The following CAPN13 variants were observed in gnomAD, a reference collection of about 807,000 sequenced individuals.
CAPN13 encodes calpain 13.
CAPN13 carries 90 observed loss-of-function variants against 98.4 expected under a neutral mutation model. That is an observed-to-expected ratio of 0.92 (90% CI 0.77 to 1.09). The LOEUF (loss-of-function observed/expected upper bound fraction) is 1.09, where lower values mean the gene tolerates loss of function less well. Among genes scored for constraint, CAPN13 ranks in the 50% least tolerant of loss-of-function variants. The pLI, the probability that CAPN13 is intolerant of heterozygous loss-of-function variation, is 0.00. For synonymous variants in CAPN13, 330 were observed against 305.5 expected (o/e 1.08, Z -0.84); for missense variants, 887 against 841.3 (o/e 1.05, Z -0.67).
In CAPN13 at chr2:30,731,335, G is replaced by T. The variant is rs990464973; in HGVS notation, c.1983+9C>A. 21 of 1,607,722 alleles carry T rather than the reference G, an allele frequency of 1.3e-5. No individual in the cohort carries two copies. Among genetic ancestry groups the T allele is most frequent in the Non-Finnish European group, 1.6e-5 (19 of 1,176,934 alleles). ...CTGTGCCTGCCCCGGGGAGGGGAAG[G>T]TACCTCACCTCCATTTCTGTCAGGT... On this transcript the variant is annotated intron_variant, in intron 21 of 22. Coordinates refer to ENST00000295055, the MANE Select transcript of CAPN13 (RefSeq NM_144575.3).
intron 4 of CAPN13, 59 bp from the exon 5 acceptor site, chr2:30,770,508 C>A: frequency 1.3e-6 from 2 of 1,581,230 alleles, no homozygotes; most frequent in Non-Finnish European, 1.7e-6. Context: ...GCTCCTGGGT[C>A]CCCCAACCTA....
chr2:30,771,607 T>C (rs1350592103), intron 4 of CAPN13, among the ~76,000 whole-genome samples: 2 of 151,898 alleles, frequency 1.3e-5, no homozygotes, highest in Admixed American at 1.3e-4. Flanking sequence ...TTTAGGAGGG[T>C]GATTACAAAA....
chr2:30,762,661 T>C (rs1025164277), intron 7 of CAPN13, among the ~76,000 whole-genome samples: 4 of 152,198 alleles, frequency 2.6e-5, no homozygotes, highest in Non-Finnish European at 5.9e-5. Context: ...GAGAGAGAAA[T>C]GAACCTTGTC....
intron 1 of CAPN13, among the ~76,000 whole-genome samples, chr2:30,804,031 G>C (rs1675455116): frequency 2.0e-5 from 3 of 151,996 alleles, no homozygotes; most frequent in African/African-American, 7.3e-5. Flanking sequence ...TATTCAACAG[G>C]GTTTGTGCAA....
intron 1 of CAPN13, among the ~76,000 whole-genome samples, chr2:30,791,102 C>G (rs1295393810): frequency 6.6e-6 from 1 of 152,214 alleles, no homozygotes; most frequent in Non-Finnish European, 1.5e-5. Flanking sequence ...AACAACTCTC[C>G]TAGCCCTGGC....
intron 5 of CAPN13, among the ~76,000 whole-genome samples, chr2:30,767,894 T>C (rs1464702261): frequency 6.6e-6 from 1 of 151,996 alleles, no homozygotes; most frequent in Non-Finnish European, 1.5e-5. Context: ...GATAAAGATG[T>C]CCCCTGGCCA....
chr2:30,763,276 A>G, intron 6 of CAPN13, 120 bp from the exon 7 acceptor site: 1 of 801,808 alleles, frequency 1.2e-6, no homozygotes, highest in Non-Finnish European at 2.0e-6. Flanking sequence ...TGGGACTGGT[A>G]TATGGCCTGG....
intron 22 of CAPN13, among the ~76,000 whole-genome samples, chr2:30,724,415 C>A (rs1373613953): frequency 1.3e-5 from 2 of 152,154 alleles, no homozygotes; most frequent in African/African-American, 4.8e-5. Context: ...CTCCCATTTT[C>A]CCCAAAGGCC....
chr2:30,771,472 A>T (rs1258716850), intron 4 of CAPN13, among the ~76,000 whole-genome samples: 1 of 152,210 alleles, frequency 6.6e-6, no homozygotes. Flanking sequence ...CAAAGCAAAG[A>T]TGTTTTAATA....
In CAPN13 at chr2:30,742,379, T is replaced by A; in HGVS notation, c.1446-20A>T. The A allele has an allele frequency of 6.2e-7, 1 of 1,601,010 alleles. No individual in the cohort carries two copies. On this transcript the variant is annotated intron_variant, in intron 13 of 22. Coordinates refer to ENST00000295055, the MANE Select transcript of CAPN13 (RefSeq NM_144575.3). ...AGGTGCCTAGAAAATCAGAGGACAG[T>A]GTGACAAAGATGACCAGCTCACCAC...
In CAPN13 at chr2:30,745,738, T is replaced by C; in HGVS notation, c.1237-4A>G. ...TGAGCCATACCTGTGAGCCAGCCTGTTGGAAACAGGGAGAAAGGCAGATTT... is the reference window on the plus strand; with the variant it reads ...TGAGCCATACCTGTGAGCCAGCCTGCTGGAAACAGGGAGAAAGGCAGATTT... On this transcript the variant is annotated splice_region_variant and splice_polypyrimidine_tract_variant and intron_variant, in intron 11 of 22. Transcript: ENST00000295055. 1.3e-6 allele frequency: 2 copies of C among 1,595,814 alleles called. No homozygotes were observed. The highest frequency in any genetic ancestry group is 1.7e-6 in the Non-Finnish European group (2 of 1,178,618).
intron 1 of CAPN13, among the ~76,000 whole-genome samples, chr2:30,798,163 A>G (rs891594456): frequency 2.0e-5 from 3 of 152,276 alleles, no homozygotes; most frequent in African/African-American, 7.2e-5. Flanking sequence ...TGGCTAGTGC[A>G]ATTCAGGGAC....
At chr2:30,761,974 G>A (rs1284122179) in intron 7 of CAPN13, among the ~76,000 whole-genome samples, 4 of 152,174 alleles carry the variant, frequency 2.6e-5, no homozygotes, top group Admixed American at 6.5e-5. Flanking sequence ...GAGAAATTAT[G>A]TGCCCTAGAG....
At chr2:30,742,023 G>C in intron 14 of CAPN13, 59 bp from the exon 15 acceptor site, 1 of 1,488,970 alleles carries the variant, frequency 6.7e-7, no homozygotes, top group Non-Finnish European at 9.4e-7. Context: ...CACCCATCTG[G>C]TACAGCAAGG....
chr2:30,795,872 T>C (rs1674831429), intron 1 of CAPN13, among the ~76,000 whole-genome samples: 1 of 152,022 alleles, frequency 6.6e-6, no homozygotes, highest in African/African-American at 2.4e-5. Flanking sequence ...CTTTTTAAAA[T>C]AGAAAATTTG....
chr2:30,795,650 T>C (rs1674819982), intron 1 of CAPN13, among the ~76,000 whole-genome samples: 1 of 152,138 alleles, frequency 6.6e-6, no homozygotes, highest in African/African-American at 2.4e-5. Context: ...ACTCTGGATA[T>C]TCGTCTTTTG....
intron 21 of CAPN13, among the ~76,000 whole-genome samples, chr2:30,731,028 C>G (rs1267260330): frequency 6.6e-6 from 1 of 152,184 alleles, no homozygotes; most frequent in Non-Finnish European, 1.5e-5. Context: ...GGTCAGGAGC[C>G]TCTAAAACTC....
chr2:30,802,136 G>A (rs1675317760), intron 1 of CAPN13, among the ~76,000 whole-genome samples: 1 of 152,176 alleles, frequency 6.6e-6, no homozygotes, highest in African/African-American at 2.4e-5. Flanking sequence ...AGGCGAGTAG[G>A]CTGAGCCCTG....
Position 30,731,327 on chromosome 2 carries a change from A to G in CAPN13, c.1983+17T>C. The G allele has an allele frequency of 6.2e-7, 1 of 1,603,634 alleles. No individual in the cohort carries two copies. Among genetic ancestry groups the G allele is most frequent in the East Asian group, 2.3e-5 (1 of 44,336 alleles). ...GCCTGGGACTGTGCCTGCCCCGGGG[A>G]GGGGAAGGTACCTCACCTCCATTTC... On this transcript the variant is annotated intron_variant, in intron 21 of 22. Coordinates refer to ENST00000295055, the MANE Select transcript of CAPN13 (RefSeq NM_144575.3).
Sources: gnomAD v4.1 joint callset for allele counts (sites outside exome capture counted in the v4.1 genomes callset) on GRCh38, gnomAD v4.1.1 for gene constraint, MANE v1.5 for transcripts, NCBI Gene and HGNC (gene_info 2026-07-23, HGNC 2026-07-21) for gene names.